Variants in PLXDC2 observed in about 807,000 individuals in gnomAD.
The protein encoded by PLXDC2 is plexin domain-containing protein 2.
In PLXDC2, 40 loss-of-function variants were observed where a neutral mutation model predicts 68.9. The observed-to-expected ratio is 0.58, with a 90% CI of 0.45 to 0.76. The LOEUF (loss-of-function observed/expected upper bound fraction) is 0.76. PLXDC2 is among the 30% of genes least tolerant of loss of function. The pLI is 0.00. For synonymous variants in PLXDC2, 243 were observed against 234.2 expected (o/e 1.04, Z -0.34); for missense variants, 644 against 661.9 (o/e 0.97, Z 0.30).
At chr10:20,125,273 C>T (rs114346689) in intron 4 of PLXDC2, among the ~76,000 whole-genome samples, 4,483 of 151,924 alleles carry the variant, frequency 0.03, 152 homozygotes, top group African/African-American at 0.093. Context: ...ACTTAACTTA[C>T]TAACAACGCC....
intron 9 of PLXDC2, among the ~76,000 whole-genome samples, chr10:20,186,191 T>C (rs1589670733): frequency 6.6e-6 from 1 of 151,954 alleles, no homozygotes; most frequent in Non-Finnish European, 1.5e-5. Flanking sequence ...AATTATTTAA[T>C]TGAAAAATAT....
chr10:19,922,405 G>T (rs536757370), intron 1 of PLXDC2, among the ~76,000 whole-genome samples: 1 of 152,280 alleles, frequency 6.6e-6, no homozygotes, highest in African/African-American at 2.4e-5. Context: ...ATCAGTGAAA[G>T]CTTTGTTTAC....
At chr10:19,900,936 C>T (rs1321840830) in intron 1 of PLXDC2, among the ~76,000 whole-genome samples, 1 of 151,074 alleles carries the variant, frequency 6.6e-6, no homozygotes, top group African/African-American at 2.4e-5. Flanking sequence ...GCCATTATTT[C>T]ATTCCTTTTT....
At chr10:19,913,934 A>C (rs11011668) in intron 1 of PLXDC2, among the ~76,000 whole-genome samples, 28,448 of 152,100 alleles carry the variant, frequency 0.19, 2,937 homozygotes, top group South Asian at 0.27. Context: ...ACACACACAG[A>C]CAAACACACA....
intron 2 of PLXDC2, among the ~76,000 whole-genome samples, chr10:20,015,944 C>T (rs1043973118): frequency 1.3e-5 from 2 of 152,170 alleles, no homozygotes; most frequent in Non-Finnish European, 2.9e-5. Context: ...ATACTAGTAA[C>T]GACTTCTGTA....
At chr10:20,024,252 C>G (rs1229000079) in intron 2 of PLXDC2, among the ~76,000 whole-genome samples, 7 of 152,114 alleles carry the variant, frequency 4.6e-5, no homozygotes, top group Non-Finnish European at 1.0e-4. Flanking sequence ...CATAAGGGAA[C>G]CAAATATGTG....
chr10:19,974,341 C>G (rs528098387), intron 1 of PLXDC2, among the ~76,000 whole-genome samples: 16 of 152,188 alleles, frequency 1.1e-4, no homozygotes, highest in African/African-American at 3.1e-4. Context: ...GTTCCACAAC[C>G]AGCTGGTGGT....
In PLXDC2 at chr10:20,177,095, GT is replaced by G. The variant is rs1231497565; in HGVS notation, c.979+2del. 1 of 1,595,274 alleles carries G rather than the reference GT, an allele frequency of 6.3e-7. No individual in the cohort carries two copies. The highest frequency in any genetic ancestry group is 1.1e-5 in the South Asian group (1 of 90,626). On this transcript the variant is annotated splice_donor_variant, in intron 8 of 13. Coordinates refer to ENST00000377252, the MANE Select transcript of PLXDC2 (RefSeq NM_032812.9). LOFTEE classifies it high-confidence loss of function. Reference sequence around the variant, plus strand: ...GCTGTGGAGATGACCCCATTACCCAGTAAGCGAATATGTAAACCTAGGTGGA... The same window carrying G: ...GCTGTGGAGATGACCCCATTACCCAGAAGCGAATATGTAAACCTAGGTGGA...
chr10:20,268,506 C>G (rs1453131818), intron 13 of PLXDC2, among the ~76,000 whole-genome samples: 1 of 152,162 alleles, frequency 6.6e-6, no homozygotes, highest in Non-Finnish European at 1.5e-5. Context: ...AGTGTCCACT[C>G]TTGGATTTGA....
intron 12 of PLXDC2, among the ~76,000 whole-genome samples, chr10:20,226,604 A>G (rs750508016): frequency 6.6e-6 from 1 of 152,246 alleles, no homozygotes; most frequent in East Asian, 1.9e-4. Context: ...GAAAAATCAC[A>G]TCAGGATATA....
At chr10:20,072,229 G>C (rs1480037272) in intron 4 of PLXDC2, among the ~76,000 whole-genome samples, 2 of 151,346 alleles carry the variant, frequency 1.3e-5, no homozygotes, top group Non-Finnish European at 2.9e-5. Context: ...AATTAGCCGG[G>C]CATGGTGGCA....
intron 1 of PLXDC2, among the ~76,000 whole-genome samples, chr10:19,964,930 C>T (rs1834223493): frequency 6.6e-6 from 1 of 152,204 alleles, no homozygotes; most frequent in African/African-American, 2.4e-5. Context: ...CTTAATCCAG[C>T]TTCCCTCACG....
At chr10:19,993,374 C>T (rs957005539) in intron 1 of PLXDC2, among the ~76,000 whole-genome samples, 10 of 151,948 alleles carry the variant, frequency 6.6e-5, no homozygotes, top group Middle Eastern at 3.4e-3. Context: ...AATTATAAAC[C>T]GTTACATTTT....
chr10:19,978,261 T>C (rs1834492232), intron 1 of PLXDC2, among the ~76,000 whole-genome samples: 1 of 152,204 alleles, frequency 6.6e-6, no homozygotes, highest in African/African-American at 2.4e-5. Flanking sequence ...CTGAAGTAGA[T>C]TAATTAATCT....
chr10:19,887,160 T>C (rs1229364273), intron 1 of PLXDC2, among the ~76,000 whole-genome samples: 6 of 152,200 alleles, frequency 3.9e-5, no homozygotes, highest in Non-Finnish European at 2.9e-5. Flanking sequence ...CCAATAACAT[T>C]TTCTGTACAC....
At chr10:19,891,206 G>A (rs1042380164) in intron 1 of PLXDC2, among the ~76,000 whole-genome samples, 1 of 152,110 alleles carries the variant, frequency 6.6e-6, no homozygotes, top group Non-Finnish European at 1.5e-5. Flanking sequence ...CAACAAAAAA[G>A]TATTGGGTAC....
At chr10:19,848,587 T>G (rs1386683444) in intron 1 of PLXDC2, among the ~76,000 whole-genome samples, 7 of 152,202 alleles carry the variant, frequency 4.6e-5, no homozygotes, top group African/African-American at 1.7e-4. Flanking sequence ...TAAAATACAT[T>G]CAAAATACTT....
chr10:20,158,892 A>C (rs7086733), intron 6 of PLXDC2, among the ~76,000 whole-genome samples: 1 of 152,064 alleles, frequency 6.6e-6, no homozygotes, highest in Non-Finnish European at 1.5e-5. Context: ...ATGACATTAG[A>C]CATTTAATTC....
At chr10:19,916,771 C>G (rs1833375346) in intron 1 of PLXDC2, among the ~76,000 whole-genome samples, 1 of 152,040 alleles carries the variant, frequency 6.6e-6, no homozygotes, top group African/African-American at 2.4e-5. Flanking sequence ...ATACCTGGCA[C>G]CTATTCAGTG....
Sources: gnomAD v4.1 joint callset for allele counts (sites outside exome capture counted in the v4.1 genomes callset) on GRCh38, gnomAD v4.1.1 for gene constraint, MANE v1.5 for transcripts, NCBI Gene and HGNC (gene_info 2026-07-23, HGNC 2026-07-21) for gene names.